Variants in CCDC50 observed in about 807,000 individuals in gnomAD.
CCDC50 encodes the protein coiled-coil domain-containing protein 50.
CCDC50 carries 54 observed loss-of-function variants against 70.2 expected under a neutral mutation model. The ratio of observed to expected loss-of-function variants is 0.77; its 90% CI spans 0.62 to 0.96. The LOEUF is 0.96. CCDC50 is among the 50% of genes least tolerant of loss of function. The probability of loss-of-function intolerance (pLI) is 0.00; values close to 1 mark genes in which losing one functional copy is unlikely to be tolerated. For missense variants in CCDC50, 558 were observed against 578.7 expected (o/e 0.96, Z 0.37); for synonymous variants, 216 against 198.8 (o/e 1.09, Z -0.73).
chr3:191,393,884 T>C lies in CCDC50; in HGVS notation c.*2124T>C, dbSNP rs1713776192. 1 of 152,190 alleles carries C rather than the reference T, an allele frequency of 6.6e-6. No homozygotes were observed. The highest frequency in any genetic ancestry group is 2.1e-4 in the South Asian group (1 of 4,838). 9.4% of individuals were successfully genotyped at this position (152,190 alleles called of 1,614,324 possible). A position where few individuals can be genotyped will look rare whatever the true frequency, so the allele number is the denominator to read the frequency against. On this transcript the variant is annotated 3_prime_UTR_variant, in exon 12 of 12. Coordinates refer to ENST00000392455, the MANE Select transcript of CCDC50 (RefSeq NM_178335.3). ...TTGTAATTTTAAAGGAAAAAAACAA[T>C]GTATTTTTATTTGATAACTAGGCAA...
intron 6 of CCDC50, among the ~76,000 whole-genome samples, chr3:191,375,882 C>T (rs570349040): frequency 1.1e-4 from 16 of 152,002 alleles, no homozygotes; most frequent in Non-Finnish European, 1.9e-4. Flanking sequence ...CTTCATTTAC[C>T]GAGACTGTGT....
Position 191,380,681 on chromosome 3 carries a change from T to C in CCDC50, c.1093-6T>C. 6.2e-7 allele frequency: 1 copy of C among 1,612,056 alleles called. No homozygotes were observed. ...ATTCTTTGTTTTTGTATTTTCGATA[T>C]CATAGGCTACCCAGGTGGACATGAG... On this transcript the variant is annotated splice_polypyrimidine_tract_variant and splice_region_variant and intron_variant, in intron 7 of 11. Coordinates refer to ENST00000392455, the MANE Select transcript of CCDC50 (RefSeq NM_178335.3).
chr3:191,387,705 A>G (rs1224912516), intron 10 of CCDC50, among the ~76,000 whole-genome samples: 1 of 150,162 alleles, frequency 6.7e-6, no homozygotes, highest in Non-Finnish European at 1.5e-5. Flanking sequence ...TGGACATGCT[A>G]GAAAACTTGT....
chr3:191,387,608 TCTTAAGAAGTA>T (rs759382990), intron 10 of CCDC50, among the ~76,000 whole-genome samples: 4 of 149,020 alleles, frequency 2.7e-5, no homozygotes, highest in Non-Finnish European at 2.9e-5. Flanking sequence ...TAAGAAGTAC[TCTTAAGAAGTA>T]CTTAAGAAGT....
intron 1 of CCDC50, among the ~76,000 whole-genome samples, chr3:191,356,257 A>C (rs1712276723): frequency 6.6e-6 from 1 of 152,228 alleles, no homozygotes; most frequent in Admixed American, 6.5e-5. Flanking sequence ...GCAGGAGTTT[A>C]AATTGCAGCT....
chr3:191,381,398 C>T (rs1713313936), intron 9 of CCDC50, among the ~76,000 whole-genome samples: 1 of 152,116 alleles, frequency 6.6e-6, no homozygotes, highest in Non-Finnish European at 1.5e-5. Context: ...ACATACTTAT[C>T]ACCAACAATT....
intron 1 of CCDC50, among the ~76,000 whole-genome samples, chr3:191,344,844 G>T (rs2108638630): frequency 6.6e-6 from 1 of 152,328 alleles, no homozygotes; most frequent in South Asian, 2.1e-4. Flanking sequence ...ATCCCAAAGT[G>T]CTGGGATTAC....
intron 1 of CCDC50, among the ~76,000 whole-genome samples, chr3:191,341,171 A>G (rs1477642108): frequency 2.6e-5 from 4 of 152,166 alleles, no homozygotes; most frequent in Admixed American, 6.5e-5. Context: ...GACTAGATCT[A>G]TGTTAATCAG....
chr3:191,332,096 G>C (rs544480291), intron 1 of CCDC50, among the ~76,000 whole-genome samples: 1 of 152,150 alleles, frequency 6.6e-6, no homozygotes, highest in Non-Finnish European at 1.5e-5. Context: ...GTGTGTGCCC[G>C]TTTCCATTGC....
chr3:191,365,088 A>ATGTGTGTGTG (rs111869044), intron 4 of CCDC50, among the ~76,000 whole-genome samples: 20 of 151,472 alleles, frequency 1.3e-4, no homozygotes, highest in African/African-American at 3.9e-4. Context: ...GCATGACTAG[A>ATGTGTGTGTG]TGTGTGTGTG....
intron 6 of CCDC50, among the ~76,000 whole-genome samples, chr3:191,379,143 A>G (rs947100798): frequency 1.3e-5 from 2 of 152,132 alleles, no homozygotes; most frequent in Non-Finnish European, 2.9e-5. Context: ...GGTGATGCCA[A>G]TATTAATTGC....
intron 4 of CCDC50, among the ~76,000 whole-genome samples, chr3:191,364,600 T>A (rs1305044973): frequency 1.3e-5 from 2 of 151,984 alleles, no homozygotes; most frequent in East Asian, 1.9e-4. Context: ...TTTTTTTTTT[T>A]TAATTTTTTC....
chr3:191,335,030 T>A (rs1278069389), intron 1 of CCDC50, among the ~76,000 whole-genome samples: 2 of 152,176 alleles, frequency 1.3e-5, no homozygotes, highest in Non-Finnish European at 2.9e-5. Flanking sequence ...GGCTAATATT[T>A]AAAGGTAGAA....
At chr3:191,357,024 T>A (rs1465001136) in intron 1 of CCDC50, 64 bp from the exon 2 acceptor site, 1 of 1,048,548 alleles carries the variant, frequency 9.5e-7, no homozygotes, top group African/African-American at 1.6e-5. Flanking sequence ...AAAAAATCCT[T>A]TCCTTTGTAT....
intron 5 of CCDC50, among the ~76,000 whole-genome samples, chr3:191,374,549 A>G (rs1360777354): frequency 3.3e-5 from 5 of 152,158 alleles, no homozygotes; most frequent in East Asian, 1.9e-4. Flanking sequence ...ATGGAGGCAT[A>G]TAAAAATCTG....
At chr3:191,338,703 A>C (rs559284388) in intron 1 of CCDC50, among the ~76,000 whole-genome samples, 147 of 152,234 alleles carry the variant, frequency 9.7e-4, no homozygotes, top group Non-Finnish European at 1.9e-3. Context: ...CCATAGAGCT[A>C]ATCTTTGAAA....
At chr3:191,336,448 T>G (rs974593206) in intron 1 of CCDC50, among the ~76,000 whole-genome samples, 5 of 152,230 alleles carry the variant, frequency 3.3e-5, no homozygotes, top group African/African-American at 9.6e-5. Context: ...TTTCTTGTGC[T>G]GATTTGCTAT....
Position 191,394,937 on chromosome 3 carries a change from A to G in CCDC50, c.*3177A>G, listed in dbSNP as rs994563462. The G allele has an allele frequency of 6.6e-6, 1 of 152,192 alleles. No homozygotes were observed. The highest frequency in any genetic ancestry group is 1.5e-5 in the Non-Finnish European group (1 of 68,006). 9.4% of individuals were successfully genotyped at this position (152,192 alleles called of 1,614,324 possible). A position where few individuals can be genotyped will look rare whatever the true frequency, so the allele number is the denominator to read the frequency against. ...CATACTATTGAATTGCTATTTCCCA[A>G]GTTACTTTACAACCAGCAGCAGCAT... On this transcript the variant is annotated 3_prime_UTR_variant, in exon 12 of 12. Coordinates refer to ENST00000392455, the MANE Select transcript of CCDC50 (RefSeq NM_178335.3).
chr3:191,383,183 C>T (rs1713377824), intron 10 of CCDC50, among the ~76,000 whole-genome samples: 1 of 152,080 alleles, frequency 6.6e-6, no homozygotes, highest in Non-Finnish European at 1.5e-5. Flanking sequence ...GTTTCATAGC[C>T]ACACTGATGT....
Sources: gnomAD v4.1 joint callset for allele counts (sites outside exome capture counted in the v4.1 genomes callset) on GRCh38, gnomAD v4.1.1 for gene constraint, MANE v1.5 for transcripts, NCBI Gene and HGNC (gene_info 2026-07-23, HGNC 2026-07-21) for gene names.